Variants in EPHB2 observed in about 807,000 individuals in gnomAD.
The protein encoded by EPHB2 is EPH receptor B2.
EPHB2 carries 18 observed loss-of-function variants against 96.4 expected under a neutral mutation model. The observed-to-expected ratio is 0.19, with a 90% CI of 0.13 to 0.28. The LOEUF (loss-of-function observed/expected upper bound fraction) is 0.28. EPHB2 is among the 10% of genes least tolerant of loss of function. EPHB2 has a pLI of 1.00. For synonymous variants in EPHB2, 506 were observed against 534.1 expected, an observed-to-expected ratio of 0.95 and a Z score of 0.72; for missense variants, 989 against 1,355.4, an observed-to-expected ratio of 0.73 and a Z score of 4.25.
intron 3 of EPHB2, among the ~76,000 whole-genome samples, chr1:22,818,542 T>TAC (rs1255790331): frequency 6.6e-6 from 1 of 152,080 alleles, no homozygotes; most frequent in Non-Finnish European, 1.5e-5. Flanking sequence ...ATGTCCTGAT[T>TAC]ACACACAGGA....
chr1:22,749,844 T>C (rs1644035694), intron 1 of EPHB2, among the ~76,000 whole-genome samples: 1 of 152,158 alleles, frequency 6.6e-6, no homozygotes, highest in South Asian at 2.1e-4. Flanking sequence ...ATGGAACACC[T>C]AGAAAGACAT....
At chr1:22,793,514 G>GT (rs1034901046) in intron 3 of EPHB2, among the ~76,000 whole-genome samples, 4 of 152,164 alleles carry the variant, frequency 2.6e-5, no homozygotes, top group Non-Finnish European at 5.9e-5. Context: ...AATGGTGGTG[G>GT]TTTTTTTCTT....
intron 6 of EPHB2, among the ~76,000 whole-genome samples, chr1:22,888,332 C>T (rs927229320): frequency 1.1e-4 from 17 of 152,122 alleles, no homozygotes; most frequent in African/African-American, 4.1e-4. Context: ...TGAGCCACTG[C>T]GCCTGGCCTC....
intron 3 of EPHB2, among the ~76,000 whole-genome samples, chr1:22,797,910 G>T (rs1557680370): frequency 6.6e-6 from 1 of 151,874 alleles, no homozygotes; most frequent in Non-Finnish European, 1.5e-5. Flanking sequence ...TCTTCTTCAG[G>T]TCTCTGCCCA....
At chr1:22,772,411 C>T (rs1159127249) in intron 1 of EPHB2, among the ~76,000 whole-genome samples, 1 of 152,180 alleles carries the variant, frequency 6.6e-6, no homozygotes, top group Non-Finnish European at 1.5e-5. Context: ...GGGGTGTGTG[C>T]TATGAGAGTC....
intron 3 of EPHB2, among the ~76,000 whole-genome samples, chr1:22,835,444 A>G (rs186249463): frequency 4.1e-4 from 59 of 144,038 alleles, no homozygotes; most frequent in African/African-American, 1.6e-3. Flanking sequence ...ACATACACAC[A>G]TATGTGTACA....
At chr1:22,863,917 G>A (rs1329548081) in intron 4 of EPHB2, among the ~76,000 whole-genome samples, 1 of 152,124 alleles carries the variant, frequency 6.6e-6, no homozygotes, top group African/African-American at 2.4e-5. Context: ...TGTAGAGACA[G>A]GGTCTCGCTA....
At chr1:22,883,360 G>A (rs781389386) in intron 6 of EPHB2, among the ~76,000 whole-genome samples, 3 of 152,232 alleles carry the variant, frequency 2.0e-5, no homozygotes, top group African/African-American at 7.2e-5. Context: ...GGGGCCAGGA[G>A]GTAGACAGCA....
At chr1:22,895,829 A>G (rs1025443683) in intron 8 of EPHB2, among the ~76,000 whole-genome samples, 110 of 152,222 alleles carry the variant, frequency 7.2e-4, no homozygotes, top group African/African-American at 2.6e-3. Context: ...GCACATTGAG[A>G]CACTAATGCA....
At chr1:22,772,810 G>T (rs1194783219) in intron 1 of EPHB2, among the ~76,000 whole-genome samples, 4 of 152,236 alleles carry the variant, frequency 2.6e-5, no homozygotes, top group Non-Finnish European at 5.9e-5. Context: ...AGGGCGTGCA[G>T]AGGGTTTAGC....
chr1:22,781,318 TAAAAAAAAAAA>T (rs71020449), intron 1 of EPHB2, 92 bp from the exon 2 acceptor site: 1 of 818,156 alleles, frequency 1.2e-6, no homozygotes, highest in African/African-American at 2.0e-5. Flanking sequence ...AGACTCCGTC[TAAAAAAAAAAA>T]AAAAAAAGAA....
chr1:22,800,554 A>G (rs1644827403), intron 3 of EPHB2, among the ~76,000 whole-genome samples: 1 of 152,192 alleles, frequency 6.6e-6, no homozygotes, highest in South Asian at 2.1e-4. Flanking sequence ...TGGGTCATGC[A>G]GGTGTGTGTT....
At chr1:22,844,966 T>C (rs1645520845) in intron 3 of EPHB2, among the ~76,000 whole-genome samples, 1 of 152,220 alleles carries the variant, frequency 6.6e-6, no homozygotes, top group African/African-American at 2.4e-5. Context: ...TGTGTGCTCC[T>C]GGCCAGGCCA....
intron 3 of EPHB2, among the ~76,000 whole-genome samples, chr1:22,799,344 CA>C (rs1034625860): frequency 5.3e-5 from 8 of 152,090 alleles, no homozygotes; most frequent in Non-Finnish European, 7.4e-5. Context: ...GAAGGTTTAG[CA>C]AAATAGGTAA....
In EPHB2 at chr1:22,846,600, C is replaced by G. The variant is rs965695311; in HGVS notation, c.812-16437C>G. Among the ~76,000 whole-genome samples, 3 of 152,122 alleles carry G rather than the reference C, an allele frequency of 2.0e-5. No individual in the cohort carries two copies. Among genetic ancestry groups the G allele is most frequent in the Admixed American group, 2.0e-4 (3 of 15,276 alleles). On this transcript the variant is annotated intron_variant, in intron 3 of 15. Coordinates refer to ENST00000374630, the MANE Select transcript of EPHB2 (RefSeq NM_017449.5). This position sits in a 1 kb window ranked among gnomAD's most constrained non-coding sequence, Gnocchi z 4.3. ...GTAGGCGGCTTGTTGCCTCTCCAGC[C>G]TCGTGTCCTGCATCTCTGCAACCAT...
At chr1:22,812,699 A>G (rs868148664) in intron 3 of EPHB2, among the ~76,000 whole-genome samples, 1 of 152,220 alleles carries the variant, frequency 6.6e-6, no homozygotes, top group African/African-American at 2.4e-5. Context: ...TAAAATGGGC[A>G]TAGTAACAGC....
At chr1:22,823,305 A>T (rs1392967930) in intron 3 of EPHB2, among the ~76,000 whole-genome samples, 1 of 152,194 alleles carries the variant, frequency 6.6e-6, no homozygotes, top group African/African-American at 2.4e-5. Flanking sequence ...CTCCTCCAGG[A>T]AGCCTTCGCT....
At chr1:22,829,222 C>A (rs1023668678) in intron 3 of EPHB2, among the ~76,000 whole-genome samples, 1 of 152,252 alleles carries the variant, frequency 6.6e-6, no homozygotes, top group Non-Finnish European at 1.5e-5. Flanking sequence ...CACATGCAGC[C>A]CCCAGGCCCT....
rs747438721 is a variant in EPHB2 at position 22,741,679 on chromosome 1, C to CAAAAAAAAAAAAAAAAA, written c.61+30645_61+30646insAAAAAAAAAAAAAAAAA. ...CTTGACAGCCTGGTTTTCTTCCCAG[C>CAAAAAAAAAAAAAAAAA]AAAAAAAAACAAAAAAACAAAAAAC... On this transcript the variant is annotated intron_variant, in intron 1 of 15. Transcript: ENST00000374630. 8.5e-4 allele frequency among the ~76,000 whole-genome samples: 63 copies of CAAAAAAAAAAAAAAAAA among 73,832 alleles called. 1 individual carries two copies. Among genetic ancestry groups the CAAAAAAAAAAAAAAAAA allele is most frequent in the East Asian group, 9.9e-4 (3 of 3,034 alleles). 48.4% of individuals were successfully genotyped at this position (73,832 alleles called of 152,430 possible). A position where few individuals can be genotyped will look rare whatever the true frequency, so the allele number is the denominator to read the frequency against.
Sources: allele counts gnomAD v4.1 joint callset (sites outside exome capture counted in the v4.1 genomes callset), GRCh38; gene constraint gnomAD v4.1.1; non-coding constraint Gnocchi (gnomAD v3.1); transcripts MANE v1.5; gene names NCBI Gene and HGNC (gene_info 2026-07-23, HGNC 2026-07-21).